LDLRAD4: variants seen among roughly 807,000 people sequenced by gnomAD.
LDLRAD4 encodes low density lipoprotein receptor class A domain containing 4.
Under a neutral mutation model 17.0 loss-of-function variants are expected in LDLRAD4, and 5 were observed. That is an observed-to-expected ratio of 0.29 (90% CI 0.15 to 0.62). The LOEUF is 0.62. Among genes scored for constraint, LDLRAD4 ranks in the 20% least tolerant of loss-of-function variants. The pLI is 0.84. For synonymous variants in LDLRAD4, 168 were observed against 171.8 expected (o/e 0.98, Z 0.17); for missense variants, 340 against 424.7 (o/e 0.80, Z 1.75).
intron 1 of LDLRAD4, among the ~76,000 whole-genome samples, chr18:13,296,355 C>T (rs1243560437): frequency 6.6e-6 from 1 of 152,164 alleles, no homozygotes; most frequent in Non-Finnish European, 1.5e-5. Context: ...ACTTAAATGA[C>T]AGAAATGTAT....
chr18:13,409,980 C>T lies in LDLRAD4; in HGVS notation c.40+22218C>T, dbSNP rs1238821198. On this transcript the variant is annotated intron_variant, in intron 2 of 5. Transcript: ENST00000359446. ...ATCAGCAACAATAAACATACCCACA[C>T]GTGGTACCCCAGGGCACGACGCACT... is the stretch of plus-strand genomic sequence containing the variant. 2.0e-5 allele frequency among the ~76,000 whole-genome samples: 3 copies of T among 152,192 alleles called. No homozygotes were observed. The South Asian group carries it at 6.2e-4, about 32-fold the overall frequency.
intron 1 of LDLRAD4, among the ~76,000 whole-genome samples, chr18:13,348,891 C>T (rs926539280): frequency 4.6e-5 from 7 of 152,210 alleles, no homozygotes; most frequent in African/African-American, 1.7e-4. Context: ...ATATAATCTC[C>T]TGGTGTGATG....
At chr18:13,524,515 T>C (rs1173103117) in intron 3 of LDLRAD4, among the ~76,000 whole-genome samples, 1 of 152,240 alleles carries the variant, frequency 6.6e-6, no homozygotes, top group Non-Finnish European at 1.5e-5. Context: ...CTAAGTTACC[T>C]GGTCACCTTA....
At chr18:13,457,783 G>A (rs911511705) in intron 3 of LDLRAD4, among the ~76,000 whole-genome samples, 5 of 152,102 alleles carry the variant, frequency 3.3e-5, no homozygotes, top group African/African-American at 7.2e-5. Context: ...CCCCTGCCTC[G>A]CTACCTGGGC....
At chr18:13,588,704 T>G (rs1009729826) in intron 3 of LDLRAD4, among the ~76,000 whole-genome samples, 1 of 152,278 alleles carries the variant, frequency 6.6e-6, no homozygotes, top group Admixed American at 6.5e-5. Context: ...GCCTCTGTGT[T>G]CTTAGGATTG....
intron 3 of LDLRAD4, among the ~76,000 whole-genome samples, chr18:13,591,043 G>A (rs980580566): frequency 6.6e-6 from 1 of 152,140 alleles, no homozygotes; most frequent in Non-Finnish European, 1.5e-5. Flanking sequence ...GGGTTTTAGT[G>A]GCTTTTGATC....
intron 2 of LDLRAD4, among the ~76,000 whole-genome samples, chr18:13,415,373 G>A (rs940582841): frequency 6.6e-6 from 1 of 152,192 alleles, no homozygotes; most frequent in African/African-American, 2.4e-5. Flanking sequence ...CGAGGCTTGC[G>A]TGCCTGTGTC....
chr18:13,282,425 G>C (rs765589629), intron 1 of LDLRAD4, among the ~76,000 whole-genome samples: 6 of 152,192 alleles, frequency 3.9e-5, no homozygotes, highest in Non-Finnish European at 8.8e-5. Context: ...GTTACAATAA[G>C]GGTACAGGTA....
At chr18:13,592,091 A>T (rs1321721205) in intron 3 of LDLRAD4, among the ~76,000 whole-genome samples, 1 of 152,166 alleles carries the variant, frequency 6.6e-6, no homozygotes, top group Non-Finnish European at 1.5e-5. Flanking sequence ...AAAGATCTTC[A>T]CTAGTGTATT....
rs2084146201 is a variant in LDLRAD4, at chr18:13,367,535, G to T, written c.-382-19806G>T. ...GCTTCCGTCCAGGCGGAGAGCCAGG[G>T]CCCGGGTGCTGCAGCAAGGCGGCTG... On this transcript the variant is annotated intron_variant, in intron 1 of 5. Transcript: ENST00000359446. The surrounding 1 kb of genome is among the most constrained non-coding windows in gnomAD (Gnocchi z 4.1). Among the ~76,000 whole-genome samples, 1 of 152,232 alleles carries T rather than the reference G, an allele frequency of 6.6e-6. No individual in the cohort carries two copies. Among genetic ancestry groups the T allele is most frequent in the South Asian group, 2.1e-4 (1 of 4,830 alleles).
At chr18:13,222,602 T>G (rs996608899) in intron 1 of LDLRAD4, among the ~76,000 whole-genome samples, 9 of 152,246 alleles carry the variant, frequency 5.9e-5, no homozygotes, top group African/African-American at 2.2e-4. Context: ...GGGCCTGGTG[T>G]GCATGCAGCT....
intron 1 of LDLRAD4, among the ~76,000 whole-genome samples, chr18:13,379,605 C>T (rs2085188268): frequency 6.6e-6 from 1 of 152,220 alleles, no homozygotes; most frequent in East Asian, 1.9e-4. Context: ...AGAGTAATGA[C>T]CCCACAAATA....
chr18:13,455,741 C>T (rs1382951841), intron 3 of LDLRAD4, among the ~76,000 whole-genome samples: 1 of 152,130 alleles, frequency 6.6e-6, no homozygotes, highest in Non-Finnish European at 1.5e-5. Context: ...TGGCAACCTC[C>T]CCTTCAGCTG....
intron 3 of LDLRAD4, among the ~76,000 whole-genome samples, chr18:13,499,720 C>T (rs1217523958): frequency 2.6e-5 from 4 of 151,958 alleles, no homozygotes; most frequent in Admixed American, 6.5e-5. Context: ...CATGTCCCGC[C>T]GTGGACACTG....
chr18:13,259,265 TACTCCAC>T (rs2043674282), intron 1 of LDLRAD4, among the ~76,000 whole-genome samples: 1 of 151,998 alleles, frequency 6.6e-6, no homozygotes, highest in African/African-American at 2.4e-5. Context: ...TGCAGCCTCA[TACTCCAC>T]AAGTGTATCC....
rs530533660 is a variant in LDLRAD4, at chr18:13,412,561, C to T, written c.40+24799C>T. ...TCAAGTGCCTATTATGGACTAGGTA[C>T]ATGAGGAACTAGAGAGACAGCAGTG... is the stretch of plus-strand genomic sequence containing the variant. On this transcript the variant is annotated intron_variant, in intron 2 of 5. Transcript: ENST00000359446. 3.9e-5 allele frequency among the ~76,000 whole-genome samples: 6 copies of T among 152,270 alleles called. 1 individual carries two copies. The South Asian group carries it at 1.0e-3, about 26-fold the overall frequency.
At chr18:13,325,806 G>A (rs868562535) in intron 1 of LDLRAD4, among the ~76,000 whole-genome samples, 8 of 151,438 alleles carry the variant, frequency 5.3e-5, no homozygotes, top group African/African-American at 1.9e-4. Flanking sequence ...AGGCTGGAGT[G>A]CAGTGGCGCA....
intron 1 of LDLRAD4, among the ~76,000 whole-genome samples, chr18:13,242,753 G>T (rs936335309): frequency 3.3e-5 from 5 of 152,124 alleles, no homozygotes; most frequent in Non-Finnish European, 5.9e-5. Flanking sequence ...ACGTCAATAG[G>T]GTACATTGTA....
At chr18:13,629,089 C>T (rs1186871553) in intron 4 of LDLRAD4, among the ~76,000 whole-genome samples, 1 of 152,176 alleles carries the variant, frequency 6.6e-6, no homozygotes, top group East Asian at 1.9e-4. Context: ...CTTCAGCCTC[C>T]CAAAGTGCTA....
Sources: gnomAD v4.1 joint callset for allele counts (sites outside exome capture counted in the v4.1 genomes callset) on GRCh38, gnomAD v4.1.1 for gene constraint, Gnocchi (gnomAD v3.1) non-coding constraint, MANE v1.5 for transcripts, NCBI Gene and HGNC (gene_info 2026-07-23, HGNC 2026-07-21) for gene names.